BAZ2B: variants seen among roughly 807,000 people sequenced by gnomAD.
The protein encoded by BAZ2B is bromodomain adjacent to zinc finger domain 2B.
A neutral mutation model predicts 246.0 loss-of-function variants in BAZ2B; 91 were observed. That is an observed-to-expected ratio of 0.37 (90% CI 0.31 to 0.44). The LOEUF (loss-of-function observed/expected upper bound fraction) is 0.44. Ranked by LOEUF, BAZ2B falls within the 20% of genes least tolerant of loss-of-function variation. The pLI is 1.00. For synonymous variants in BAZ2B, 855 were observed against 860.0 expected (o/e 0.99, Z 0.10); for missense variants, 2,332 against 2,533.7 (o/e 0.92, Z 1.71).
At chr2:159,628,007 C>A in the BAZ2B span, among the ~76,000 whole-genome samples, 30 of 152,198 alleles carry the variant, frequency 2.0e-4, no homozygotes, top group African/African-American at 6.3e-4. Context: ...AAATCACAAG[C>A]ATTCCTACAT....
chr2:159,578,311 T>G (rs1016312658), intron 1 of BAZ2B, among the ~76,000 whole-genome samples: 4 of 152,166 alleles, frequency 2.6e-5, no homozygotes, highest in Non-Finnish European at 4.4e-5. Context: ...ATACACTCTT[T>G]GAAAAATTCA....
chr2:159,610,135 C>A (rs1244857564), intron 1 of BAZ2B, among the ~76,000 whole-genome samples: 1 of 152,126 alleles, frequency 6.6e-6, no homozygotes, highest in Non-Finnish European at 1.5e-5. Flanking sequence ...GGCAATATGA[C>A]AATGATCTCA....
chr2:159,509,773 G>A (rs1349766334), intron 2 of BAZ2B, among the ~76,000 whole-genome samples: 1 of 151,908 alleles, frequency 6.6e-6, no homozygotes, highest in East Asian at 1.9e-4. Context: ...TTGCATATAT[G>A]TACAAACATA....
chr2:159,331,017 G>A (rs976938482), intron 34 of BAZ2B, among the ~76,000 whole-genome samples: 1 of 152,186 alleles, frequency 6.6e-6, no homozygotes, highest in Non-Finnish European at 1.5e-5. Flanking sequence ...TAAGATGGGA[G>A]AGATAGCAGC....
At chr2:159,462,110 T>G in intron 3 of BAZ2B, 1 of 262,788 alleles carries the variant, frequency 3.8e-6, no homozygotes, top group South Asian at 4.8e-5. Flanking sequence ...TTTTAAACAG[T>G]AAAATGTCTC....
chr2:159,429,525 C>T (rs190469025), intron 10 of BAZ2B, among the ~76,000 whole-genome samples: 29 of 152,042 alleles, frequency 1.9e-4, no homozygotes, highest in Non-Finnish European at 3.5e-4. Flanking sequence ...TACACCTTTC[C>T]TCTCATTTTA....
intron 2 of BAZ2B, among the ~76,000 whole-genome samples, chr2:159,494,533 T>C (rs1172131854): frequency 6.6e-6 from 1 of 152,184 alleles, no homozygotes; most frequent in Non-Finnish European, 1.5e-5. Context: ...AGGCTTTCTG[T>C]ACACAATTCA....
chr2:159,490,124 G>A (rs959873198), intron 2 of BAZ2B, among the ~76,000 whole-genome samples: 2 of 151,912 alleles, frequency 1.3e-5, no homozygotes, highest in African/African-American at 2.4e-5. Flanking sequence ...AAATGCTAGC[G>A]TCTAAAAGAA....
chr2:159,522,084 T>G (rs781529566), intron 2 of BAZ2B, among the ~76,000 whole-genome samples: 60 of 152,136 alleles, frequency 3.9e-4, no homozygotes, highest in Non-Finnish European at 8.2e-4. Flanking sequence ...TCCCTCAAAA[T>G]GTTTTACTAT....
the BAZ2B span, chr2:159,689,731 T>C: frequency 2.2e-6 from 1 of 455,190 alleles, no homozygotes; most frequent in Non-Finnish European, 4.0e-6. Flanking sequence ...GGCAAGACTT[T>C]TCTATGTCTT....
the BAZ2B span, among the ~76,000 whole-genome samples, chr2:159,674,647 C>G: frequency 1.3e-5 from 2 of 149,138 alleles, no homozygotes; most frequent in Non-Finnish European, 3.0e-5. Context: ...ACCTGGGAGG[C>G]AGAGGTTGCA....
chr2:159,681,059 G>GA, the BAZ2B span, among the ~76,000 whole-genome samples: 4 of 151,998 alleles, frequency 2.6e-5, no homozygotes, highest in Non-Finnish European at 5.9e-5. Flanking sequence ...AAAGCGGGGG[G>GA]AAAAAACTTC....
intron 27 of BAZ2B, among the ~76,000 whole-genome samples, chr2:159,355,589 A>C (rs1401134744): frequency 4.6e-5 from 7 of 152,234 alleles, no homozygotes; most frequent in African/African-American, 1.7e-4. Flanking sequence ...TTCATATCAC[A>C]GTATAATTAA....
At chr2:159,672,233 G>A in the BAZ2B span, among the ~76,000 whole-genome samples, 3 of 152,108 alleles carry the variant, frequency 2.0e-5, no homozygotes, top group African/African-American at 7.2e-5. Context: ...AGGATTTATG[G>A]TACACATTTC....
intron 1 of BAZ2B, among the ~76,000 whole-genome samples, chr2:159,574,429 T>C (rs1578520250): frequency 6.6e-6 from 1 of 152,164 alleles, no homozygotes; most frequent in Non-Finnish European, 1.5e-5. Context: ...GCCAGTGGGA[T>C]TGCAAAACAT....
At chr2:159,455,052 A>G (rs2075566826) in intron 3 of BAZ2B, among the ~76,000 whole-genome samples, 1 of 152,160 alleles carries the variant, frequency 6.6e-6, no homozygotes, top group Admixed American at 6.5e-5. Flanking sequence ...TTATCTTAAG[A>G]ATTTACTGTG....
At position 159,412,315 on chromosome 2, in the gene BAZ2B, A is replaced by G; in HGVS notation, c.2677+20T>C. The G allele has an allele frequency of 6.2e-7, 1 of 1,608,566 alleles. No individual in the cohort carries two copies. The highest frequency in any genetic ancestry group is 8.5e-7 in the Non-Finnish European group (1 of 1,175,064). On this transcript the variant is annotated intron_variant, in intron 14 of 36. Coordinates refer to ENST00000392783, the MANE Select transcript of BAZ2B (RefSeq NM_013450.4). ...ACTTTTTAGTATGATTATTAGTGTC[A>G]GACACATTATGTTTCTTACCTTGAG...
At chr2:159,388,423 T>C (rs2062895936) in intron 21 of BAZ2B, among the ~76,000 whole-genome samples, 2 of 152,152 alleles carry the variant, frequency 1.3e-5, no homozygotes, top group South Asian at 4.1e-4. Context: ...TGAAGCACTA[T>C]GGAAGACAAA....
chr2:159,696,551 G>A, the BAZ2B span, among the ~76,000 whole-genome samples: 9,590 of 151,956 alleles, frequency 0.063, 974 homozygotes, highest in African/African-American at 0.22. Flanking sequence ...TATTTCTTAG[G>A]AGCAAATTCT....
Sources: gnomAD v4.1 joint callset for allele counts (sites outside exome capture counted in the v4.1 genomes callset) on GRCh38, gnomAD v4.1.1 for gene constraint, MANE v1.5 for transcripts, NCBI Gene and HGNC (gene_info 2026-07-23, HGNC 2026-07-21) for gene names.